SOX5: variants seen among roughly 807,000 people sequenced by gnomAD.
The protein encoded by SOX5 is transcription factor SOX-5.
A neutral mutation model predicts 92.0 loss-of-function variants in SOX5; 9 were observed. That is an observed-to-expected ratio of 0.10 (90% CI 0.06 to 0.17). The LOEUF (loss-of-function observed/expected upper bound fraction) is 0.17. Among genes scored for constraint, SOX5 ranks in the 10% least tolerant of loss-of-function variants. The pLI, the probability that SOX5 is intolerant of heterozygous loss-of-function variation, is 1.00. For missense variants in SOX5, 642 were observed against 944.5 expected (o/e 0.68, Z 4.20); for synonymous variants, 344 against 336.3 (o/e 1.02, Z -0.25).
At chr12:23,735,417 A>G (rs2093553788) in intron 5 of SOX5, among the ~76,000 whole-genome samples, 1 of 152,138 alleles carries the variant, frequency 6.6e-6, no homozygotes, top group Non-Finnish European at 1.5e-5. Flanking sequence ...TTCCCCGATC[A>G]TGAACTTTCT....
At chr12:23,693,138 G>A (rs915466167) in intron 6 of SOX5, among the ~76,000 whole-genome samples, 3 of 151,884 alleles carry the variant, frequency 2.0e-5, no homozygotes, top group South Asian at 4.2e-4. Flanking sequence ...TGTTGTTGTT[G>A]TTGAGACAGA....
chr12:24,493,099 T>A (rs986097749), intron 1 of SOX5, among the ~76,000 whole-genome samples: 2 of 152,176 alleles, frequency 1.3e-5, no homozygotes, highest in Non-Finnish European at 2.9e-5. Flanking sequence ...TATTTTTTTT[T>A]AATCAGACTT....
intron 4 of SOX5, among the ~76,000 whole-genome samples, chr12:24,112,337 T>C (rs1466750188): frequency 6.6e-6 from 1 of 152,124 alleles, no homozygotes; most frequent in African/African-American, 2.4e-5. Flanking sequence ...TATGTATAGC[T>C]ACATTCATGC....
At chr12:24,458,812 T>A (rs1045582926) in intron 1 of SOX5, among the ~76,000 whole-genome samples, 1 of 152,268 alleles carries the variant, frequency 6.6e-6, no homozygotes, top group African/African-American at 2.4e-5. Context: ...CATTTAGAGA[T>A]AACAACTAAA....
At chr12:23,834,242 T>C (rs550239936) in intron 3 of SOX5, among the ~76,000 whole-genome samples, 5 of 151,940 alleles carry the variant, frequency 3.3e-5, no homozygotes, top group African/African-American at 1.2e-4. Context: ...CAAAGAGTGT[T>C]GAGAGAACTG....
chr12:23,579,064 G>A (rs1023877630), intron 9 of SOX5, among the ~76,000 whole-genome samples: 5 of 152,168 alleles, frequency 3.3e-5, no homozygotes, highest in Non-Finnish European at 5.9e-5. Flanking sequence ...ATAGTGAGGG[G>A]GGAATGGCGG....
intron 4 of SOX5, among the ~76,000 whole-genome samples, chr12:23,974,986 A>G (rs1016921465): frequency 6.6e-6 from 1 of 152,152 alleles, no homozygotes; most frequent in Admixed American, 6.6e-5. Flanking sequence ...CTGAAAGTAA[A>G]TAACTTCTAT....
At chr12:24,419,866 C>CTCTATAGA (rs1270339727) in intron 1 of SOX5, among the ~76,000 whole-genome samples, 11 of 152,084 alleles carry the variant, frequency 7.2e-5, no homozygotes, top group Admixed American at 5.9e-4. Context: ...AAAAGTGAAA[C>CTCTATAGA]TCTATAGATA....
chr12:23,884,491 G>A (rs1394014338), intron 2 of SOX5, among the ~76,000 whole-genome samples: 1 of 152,034 alleles, frequency 6.6e-6, no homozygotes, highest in Non-Finnish European at 1.5e-5. Flanking sequence ...TTTAAAGCCA[G>A]CTAAAAAGAT....
At chr12:23,970,434 A>G (rs1292129626) in intron 4 of SOX5, among the ~76,000 whole-genome samples, 2 of 152,088 alleles carry the variant, frequency 1.3e-5, no homozygotes, top group Non-Finnish European at 2.9e-5. Flanking sequence ...CTAACCATTA[A>G]GGAATAACAC....
At position 24,416,229 on chromosome 12, in the gene SOX5, G is replaced by C. The variant is rs868563829; in HGVS notation, c.-250-47590C>G. On this transcript the variant is annotated intron_variant, in intron 1 of 4. Transcript: ENST00000446891. ...TTCATCTCAGGAGCTCTAAGAAGCA[G>C]GTCTTCTGCATCCACAGCTCGGTCA... 2.6e-5 allele frequency among the ~76,000 whole-genome samples: 4 copies of C among 152,208 alleles called. No homozygotes were observed. The South Asian group carries it at 8.3e-4, about 32-fold the overall frequency.
At chr12:24,232,703 G>A (rs924413696) in intron 3 of SOX5, among the ~76,000 whole-genome samples, 2 of 152,138 alleles carry the variant, frequency 1.3e-5, no homozygotes, top group Non-Finnish European at 2.9e-5. Flanking sequence ...ATGTAACCTG[G>A]CTTTCATGGC....
chr12:23,747,998 A>G (rs1371113610), intron 4 of SOX5, among the ~76,000 whole-genome samples: 1 of 151,234 alleles, frequency 6.6e-6, no homozygotes, highest in Non-Finnish European at 1.5e-5. Flanking sequence ...AAATCTATCC[A>G]AGGTAATAAC....
At chr12:24,017,327 G>T (rs778695906) in intron 4 of SOX5, among the ~76,000 whole-genome samples, 1 of 152,114 alleles carries the variant, frequency 6.6e-6, no homozygotes, top group Non-Finnish European at 1.5e-5. Context: ...GGTTATGTGT[G>T]GTGGTTCATG....
At chr12:24,315,498 T>G (rs1033985884) in intron 2 of SOX5, among the ~76,000 whole-genome samples, 2 of 152,154 alleles carry the variant, frequency 1.3e-5, no homozygotes, top group Non-Finnish European at 2.9e-5. Flanking sequence ...TAAGGTTTTT[T>G]GTGCATCATA....
intron 4 of SOX5, among the ~76,000 whole-genome samples, chr12:24,200,301 G>A (rs1957392470): frequency 6.6e-6 from 1 of 152,142 alleles, no homozygotes; most frequent in African/African-American, 2.4e-5. Context: ...GATAAGGTTA[G>A]CCAGCTCTTA....
At chr12:23,604,771 T>A (rs751940239) in intron 8 of SOX5, among the ~76,000 whole-genome samples, 6 of 152,152 alleles carry the variant, frequency 3.9e-5, no homozygotes, top group Non-Finnish European at 8.8e-5. Flanking sequence ...TCAAAGCAAA[T>A]AAGAGCCATC....
chr12:23,668,803 C>T (rs535195198), intron 6 of SOX5, among the ~76,000 whole-genome samples: 11 of 152,182 alleles, frequency 7.2e-5, no homozygotes, highest in South Asian at 2.1e-4. Flanking sequence ...TAAGAAGCCC[C>T]GTCTTAATGC....
chr12:24,281,132 T>C (rs1374102930), intron 2 of SOX5, among the ~76,000 whole-genome samples: 1 of 151,388 alleles, frequency 6.6e-6, no homozygotes, highest in African/African-American at 2.4e-5. Flanking sequence ...GAAAACAAAC[T>C]TTAAAACAGA....
Sources: gnomAD v4.1 joint callset for allele counts (sites outside exome capture counted in the v4.1 genomes callset) on GRCh38, gnomAD v4.1.1 for gene constraint, MANE v1.5 for transcripts, NCBI Gene and HGNC (gene_info 2026-07-23, HGNC 2026-07-21) for gene names.